The following MACROD2 variants were observed in gnomAD, a reference collection of about 807,000 sequenced individuals.
MACROD2 encodes mono-ADP ribosylhydrolase 2, also known as ADP-ribose glycohydrolase MACROD2.
Under a neutral mutation model 70.4 loss-of-function variants are expected in MACROD2, and 36 were observed. The ratio of observed to expected loss-of-function variants is 0.51; its 90% confidence interval spans 0.39 to 0.68. MACROD2 has a LOEUF of 0.68. MACROD2 is among the 30% of genes least tolerant of loss of function. The pLI is 0.00. For missense variants in MACROD2, 496 were observed against 538.4 expected, an observed-to-expected ratio of 0.92 and a Z score of 0.78; for synonymous variants, 172 against 178.8, an observed-to-expected ratio of 0.96 and a Z score of 0.30.
intron 3 of MACROD2, among the ~76,000 whole-genome samples, chr20:14,302,006 T>C (rs1339153364): frequency 6.6e-6 from 1 of 152,258 alleles, no homozygotes; most frequent in African/African-American, 2.4e-5. Flanking sequence ...GATAGAACTA[T>C]GTACAGAAAG....
At chr20:14,703,505 C>T (rs2071231730) in intron 5 of MACROD2, among the ~76,000 whole-genome samples, 1 of 152,164 alleles carries the variant, frequency 6.6e-6, no homozygotes, top group Non-Finnish European at 1.5e-5. Flanking sequence ...AGCCAAGAGA[C>T]TTGGATTTTC....
intron 8 of MACROD2, among the ~76,000 whole-genome samples, chr20:15,622,580 G>C (rs796738986): frequency 6.6e-6 from 1 of 152,116 alleles, no homozygotes; most frequent in African/African-American, 2.4e-5. Context: ...TTCACATCTC[G>C]GGGAGCAGGA....
chr20:14,370,533 C>T (rs1184817942), intron 3 of MACROD2, among the ~76,000 whole-genome samples: 1 of 152,022 alleles, frequency 6.6e-6, no homozygotes, highest in Non-Finnish European at 1.5e-5. Flanking sequence ...CATAGAAGGC[C>T]ATCTAAAGGA....
chr20:15,077,539 G>A (rs528464843), intron 5 of MACROD2, among the ~76,000 whole-genome samples: 2 of 152,258 alleles, frequency 1.3e-5, no homozygotes, highest in Admixed American at 1.3e-4. Flanking sequence ...TTTTTCTGAA[G>A]GTTGGTTTGG....
intron 6 of MACROD2, among the ~76,000 whole-genome samples, chr20:15,315,098 A>T: frequency 6.6e-6 from 1 of 152,352 alleles, no homozygotes; most frequent in South Asian, 2.1e-4. Flanking sequence ...TGGGTCAATT[A>T]AAATGATCTC....
chr20:15,049,351 G>C (rs1211216247), intron 5 of MACROD2, among the ~76,000 whole-genome samples: 1 of 151,764 alleles, frequency 6.6e-6, no homozygotes, highest in Non-Finnish European at 1.5e-5. Context: ...AGAGAGACTT[G>C]TTGCCACCAA....
rs565771387 is a variant in MACROD2, at chr20:14,846,505, A to C, written c.418+161546A>C. 4.7e-5 allele frequency among the ~76,000 whole-genome samples: 7 copies of C among 148,122 alleles called. No individual in the cohort carries two copies. The East Asian group carries it at 9.9e-4, about 21-fold the overall frequency. On this transcript the variant is annotated intron_variant, in intron 5 of 17. Transcript: ENST00000684519. ...GGTAGACTTTACACTTTTTGGGAGG[A>C]AAATGCACATCACCTTTTAATTTTT... is the stretch of plus-strand genomic sequence containing the variant.
At chr20:14,710,106 G>A (rs1469732630) in intron 5 of MACROD2, among the ~76,000 whole-genome samples, 2 of 152,142 alleles carry the variant, frequency 1.3e-5, no homozygotes, top group Non-Finnish European at 2.9e-5. Flanking sequence ...GACAGCAGCG[G>A]TCAGAAGATA....
At chr20:14,829,102 C>A (rs1377066419) in intron 5 of MACROD2, among the ~76,000 whole-genome samples, 1 of 151,430 alleles carries the variant, frequency 6.6e-6, no homozygotes, top group Non-Finnish European at 1.5e-5. Flanking sequence ...TCCCTGCTCC[C>A]CCGCCCCACA....
intron 5 of MACROD2, among the ~76,000 whole-genome samples, chr20:15,039,722 A>G (rs1293411903): frequency 1.3e-5 from 2 of 152,144 alleles, no homozygotes; most frequent in East Asian, 3.9e-4. Flanking sequence ...TGAGAAATCA[A>G]CTGGAGACAG....
At chr20:15,879,154 G>A (rs1294120677) in intron 9 of MACROD2, among the ~76,000 whole-genome samples, 1 of 152,048 alleles carries the variant, frequency 6.6e-6, no homozygotes, top group Non-Finnish European at 1.5e-5. Context: ...TTTAGAAATA[G>A]TATTTCTATC....
At chr20:14,346,093 CAAAAAAAAAAAA>C (rs71190130) in intron 3 of MACROD2, among the ~76,000 whole-genome samples, 10 of 41,174 alleles carry the variant, frequency 2.4e-4, no homozygotes, top group African/African-American at 5.3e-4. Flanking sequence ...GATTCTGCCT[CAAAAAAAAAAAA>C]AAAAAAAAAA....
intron 8 of MACROD2, among the ~76,000 whole-genome samples, chr20:15,674,741 A>G (rs1181194049): frequency 1.5e-5 from 2 of 134,118 alleles, no homozygotes; most frequent in Non-Finnish European, 3.2e-5. Context: ...GTGTGTGTCT[A>G]TGTGTGTGTG....
At chr20:15,453,471 C>T (rs796452821) in intron 7 of MACROD2, among the ~76,000 whole-genome samples, 2 of 152,158 alleles carry the variant, frequency 1.3e-5, no homozygotes, top group South Asian at 4.1e-4. Flanking sequence ...GGTTAAAACG[C>T]TTGTACACTG....
At chr20:14,969,978 G>GTCATCATCA (rs202085879) in intron 5 of MACROD2, among the ~76,000 whole-genome samples, 3,336 of 151,968 alleles carry the variant, frequency 0.022, 131 homozygotes, top group African/African-American at 0.075. Context: ...TTCCATCATC[G>GTCATCATCA]TCATCATCAT....
At position 14,423,755 on chromosome 20, in the gene MACROD2, A is replaced by ATTTTTTTTTTTTTTT. The variant is rs1165796772; in HGVS notation, c.272-69714_272-69700dup. 1.3e-3 allele frequency among the ~76,000 whole-genome samples: 81 copies of ATTTTTTTTTTTTTTT among 63,090 alleles called. 3 individuals are homozygous for ATTTTTTTTTTTTTTT. The highest frequency in any genetic ancestry group is 2.0e-3 in the Non-Finnish European group (70 of 35,546). 41.4% of individuals were successfully genotyped at this position (63,090 alleles called of 152,430 possible). On this transcript the variant is annotated intron_variant, in intron 3 of 17. Transcript: ENST00000684519. ...GTCCACCATTTTGCTGACATCTTAAATTTTTTTTTTTTTTTTTTTTTTTTG... is the reference window on the plus strand; with the variant it reads ...GTCCACCATTTTGCTGACATCTTAAATTTTTTTTTTTTTTTTTTTTTTTTTTTTTTTTTTTTTTTG...
chr20:15,004,483 A>G (rs1054236758), intron 5 of MACROD2, among the ~76,000 whole-genome samples: 1 of 152,198 alleles, frequency 6.6e-6, no homozygotes, highest in African/African-American at 2.4e-5. Context: ...ACACAGGGCT[A>G]TTTATTTTAA....
At chr20:15,755,710 C>A (rs148332964) in intron 8 of MACROD2, among the ~76,000 whole-genome samples, 1 of 152,202 alleles carries the variant, frequency 6.6e-6, no homozygotes, top group Non-Finnish European at 1.5e-5. Flanking sequence ...TATCATGTAC[C>A]CAACATTGTG....
At chr20:14,091,825 T>G (rs969008246) in intron 3 of MACROD2, among the ~76,000 whole-genome samples, 4 of 152,214 alleles carry the variant, frequency 2.6e-5, no homozygotes, top group African/African-American at 9.6e-5. Flanking sequence ...CAGAGTTTGT[T>G]CAACCATTCA....
Sources: gnomAD v4.1 joint callset for allele counts (sites outside exome capture counted in the v4.1 genomes callset) on GRCh38, gnomAD v4.1.1 for gene constraint, MANE v1.5 for transcripts, NCBI Gene and HGNC (gene_info 2026-07-23, HGNC 2026-07-21) for gene names.